The following KIF11 variants were observed in gnomAD, a reference collection of about 807,000 sequenced individuals.
KIF11 encodes the protein kinesin-like protein KIF11.
Under a neutral mutation model 121.0 loss-of-function variants are expected in KIF11, and 9 were observed. The observed-to-expected ratio is 0.07, with a 90% CI of 0.04 to 0.13. The LOEUF (loss-of-function observed/expected upper bound fraction) is 0.13, where lower values mean the gene tolerates loss of function less well. Ranked by LOEUF, KIF11 falls within the 10% of genes least tolerant of loss-of-function variation. The pLI is 1.00. For missense variants in KIF11, 846 were observed against 1,217.5 expected (o/e 0.69, Z 4.54); for synonymous variants, 408 against 421.0 (o/e 0.97, Z 0.38).
At chr10:92,609,285 AGAGAGAGAGAGAGAGAGAGTGTGT>A in intron 5 of KIF11, 76 bp from the exon 6 acceptor site, 1 of 1,312,228 alleles carries the variant, frequency 7.6e-7, no homozygotes, top group South Asian at 1.4e-5. Context: ...AGAGAGAGAG[AGAGAGAGAGAGAGAGAGAGTGTGT>A]GTGTGTGTGT....
At chr10:92,631,137 T>TA (rs965373986) in intron 12 of KIF11, among the ~76,000 whole-genome samples, 3 of 144,274 alleles carry the variant, frequency 2.1e-5, no homozygotes, top group Non-Finnish European at 4.6e-5. Flanking sequence ...AAAAAAAAAA[T>TA]ACAAAAATTA....
At chr10:92,605,746 A>G (rs1589589878) in intron 1 of KIF11, among the ~76,000 whole-genome samples, 2 of 152,156 alleles carry the variant, frequency 1.3e-5, no homozygotes, top group East Asian at 3.9e-4. Flanking sequence ...TCGGCCTCCC[A>G]AAGTGCTGGG....
At chr10:92,626,935 T>C (rs1589599836) in intron 10 of KIF11, among the ~76,000 whole-genome samples, 2 of 152,086 alleles carry the variant, frequency 1.3e-5, no homozygotes, top group East Asian at 1.9e-4. Flanking sequence ...AATTTTGTTT[T>C]TGTATTTTAG....
At position 92,613,690 on chromosome 10, in the gene KIF11, G is replaced by T; in HGVS notation, c.1032+71G>T. 2 of 1,422,324 alleles carry T rather than the reference G, an allele frequency of 1.4e-6. No individual in the cohort carries two copies. 88.1% of individuals were successfully genotyped at this position (1,422,324 alleles called of 1,614,324 possible). On this transcript the variant is annotated intron_variant, in intron 8 of 21. Transcript: ENST00000260731. This position sits in a 1 kb window ranked among gnomAD's most constrained non-coding sequence, Gnocchi z 4.2. ...TATTTGGCTATTATATATTTTAAAA[G>T]TTCATTTACTAGGATGGACACAGTG...
At chr10:92,639,707 A>G (rs1844844730) in intron 16 of KIF11, 87 bp from the exon 17 acceptor site, 13 of 723,234 alleles carry the variant, frequency 1.8e-5, no homozygotes, top group East Asian at 7.7e-5. Context: ...TCACCTATGG[A>G]CAATACTTCT....
intron 1 of KIF11, among the ~76,000 whole-genome samples, chr10:92,599,875 T>G (rs1001421835): frequency 5.3e-5 from 8 of 150,558 alleles, no homozygotes; most frequent in Non-Finnish European, 1.0e-4. Flanking sequence ...ATGGTCTCGA[T>G]CTCTTGACCT....
chr10:92,609,108 C>G lies in KIF11; in HGVS notation c.476C>G (p.Ser159Cys), dbSNP rs1402179806. Residue 159 changes from serine to cysteine, a missense_variant, in exon 5 of 22, where the codon TCT becomes TGT. Coordinates refer to ENST00000260731, the MANE Select transcript of KIF11 (RefSeq NM_004523.4). Reference sequence around the variant, plus strand: ...GGTACTGAATTTTCAGTCAAAGTGTCTCTGTTGGAGATCTATAATGAAGAG... The same window carrying G: ...GGTACTGAATTTTCAGTCAAAGTGTGTCTGTTGGAGATCTATAATGAAGAG... ...DNGTEFSVKV[S>C]LLEIYNEELF... 6.2e-7 allele frequency: 1 copy of G among 1,606,744 alleles called. No homozygotes were observed. The highest frequency in any genetic ancestry group is 2.2e-5 in the East Asian group (1 of 44,756).
intron 4 of KIF11, among the ~76,000 whole-genome samples, chr10:92,608,160 A>G (rs12261518): frequency 0.12 from 18,480 of 148,436 alleles, 3,133 homozygotes; most frequent in African/African-American, 0.38. Flanking sequence ...TAAATTTTAA[A>G]GTGATGGGGT....
At chr10:92,607,810 A>T (rs1476550882) in intron 4 of KIF11, among the ~76,000 whole-genome samples, 1 of 152,170 alleles carries the variant, frequency 6.6e-6, no homozygotes, top group Non-Finnish European at 1.5e-5. Context: ...ACTTTTAAAA[A>T]AAAGTTTAGT....
In KIF11 at chr10:92,606,294, G is replaced by A; in HGVS notation, c.107G>A (p.Ser36Asn). ...RPFNLAERKA[S>N]AHSIVECDPV... ...TTTAATTTGGCAGAGCGGAAAGCTA[G>A]CGCCCATTCAATAGTAGAATGTGAT... The change falls in exon 2 of 22, where the codon AGC (serine) becomes AAC (asparagine). Residue 36 changes from serine to asparagine, a missense_variant. By Grantham distance (46) the Ser-to-Asn change is conservative (BLOSUM62 1). Transcript: ENST00000260731. 1.2e-6 allele frequency: 2 copies of A among 1,604,430 alleles called. No individual in the cohort carries two copies. The highest frequency in any genetic ancestry group is 4.5e-5 in the East Asian group (2 of 44,716).
chr10:92,617,245 A>G (rs936859051), intron 9 of KIF11, among the ~76,000 whole-genome samples: 1 of 152,124 alleles, frequency 6.6e-6, no homozygotes, highest in African/African-American at 2.4e-5. Flanking sequence ...GCTCCTTTAC[A>G]ATCATGTGGC....
At chr10:92,610,025 C>T (rs901888228) in intron 6 of KIF11, among the ~76,000 whole-genome samples, 2 of 152,190 alleles carry the variant, frequency 1.3e-5, no homozygotes, top group African/African-American at 2.4e-5. Context: ...GTGTGAGCCA[C>T]GGCGCCCGGC....
intron 4 of KIF11, 112 bp from the exon 5 acceptor site, chr10:92,608,908 T>C: frequency 1.7e-6 from 1 of 589,866 alleles, no homozygotes; most frequent in Non-Finnish European, 2.8e-6. Flanking sequence ...TGTTTTGTTT[T>C]AACTTGCTTT....
intron 1 of KIF11, among the ~76,000 whole-genome samples, chr10:92,602,829 T>TACACACAC (rs758185962): frequency 7.0e-5 from 6 of 86,274 alleles, no homozygotes; most frequent in South Asian, 5.6e-4. Flanking sequence ...CACACACGTG[T>TACACACAC]GTGTGTGTGT....
rs551892183 is a variant in KIF11 at position 92,613,943 on chromosome 10, T to C, written c.1032+324T>C. 1.0e-3 allele frequency among the ~76,000 whole-genome samples: 147 copies of C among 144,790 alleles called. 1 individual carries two copies. Among genetic ancestry groups the C allele is most frequent in the Non-Finnish European group, 1.2e-3 (81 of 67,110 alleles). The allele number at this position is 144,790 out of a possible 152,430, so 95.0% of individuals were successfully genotyped here. ...TTAAGCTGAGATCATGCAACTACAC[T>C]CCAGCCTGGGTGGCAGAGGGAGACC... is the stretch of plus-strand genomic sequence containing the variant. On this transcript the variant is annotated intron_variant, in intron 8 of 21. Transcript: ENST00000260731. This position sits in a 1 kb window ranked among gnomAD's most constrained non-coding sequence, Gnocchi z 4.2.
chr10:92,597,082 A>G (rs1231034050), intron 1 of KIF11: 4 of 357,144 alleles, frequency 1.1e-5, no homozygotes, highest in African/African-American at 6.5e-5. Context: ...CTTGATTCAC[A>G]CTCCTGCATC....
Position 92,613,329 on chromosome 10 carries a change from A to C in KIF11, c.790-48A>C. 2 of 1,368,770 alleles carry C rather than the reference A, an allele frequency of 1.5e-6. No homozygotes were observed. Among genetic ancestry groups the C allele is most frequent in the Non-Finnish European group, 2.0e-6 (2 of 1,002,722 alleles). 84.8% of individuals were successfully genotyped at this position (1,368,770 alleles called of 1,614,324 possible). ...ATCCTGTGAGAATGAAAGTCTTTGA[A>C]TCCAAATCCAATAGACTCACTTTTT... On this transcript the variant is annotated intron_variant, in intron 7 of 21. Coordinates refer to ENST00000260731, the MANE Select transcript of KIF11 (RefSeq NM_004523.4). The surrounding 1 kb of genome is among the most constrained non-coding windows in gnomAD (Gnocchi z 4.2).
chr10:92,619,572 T>C (rs543203155), intron 9 of KIF11, among the ~76,000 whole-genome samples: 1 of 152,258 alleles, frequency 6.6e-6, no homozygotes, highest in East Asian at 1.9e-4. Context: ...GAACTGCCTG[T>C]TTTTCAAATT....
chr10:92,601,482 T>C (rs376751974), intron 1 of KIF11, among the ~76,000 whole-genome samples: 8 of 152,188 alleles, frequency 5.3e-5, no homozygotes, highest in African/African-American at 1.4e-4. Flanking sequence ...GTGCTGGGAT[T>C]ACAGGCGTGA....
Sources: allele counts gnomAD v4.1 joint callset (sites outside exome capture counted in the v4.1 genomes callset), GRCh38; gene constraint gnomAD v4.1.1; non-coding constraint Gnocchi (gnomAD v3.1); transcripts MANE v1.5; gene names NCBI Gene and HGNC (gene_info 2026-07-23, HGNC 2026-07-21).